Variants in DHRS1 observed in about 807,000 individuals in gnomAD.
The protein encoded by DHRS1 is dehydrogenase/reductase SDR family member 1.
Under a neutral mutation model 35.2 loss-of-function variants are expected in DHRS1, and 34 were observed. That is an observed-to-expected ratio of 0.97 (90% CI 0.74 to 1.29). The LOEUF (loss-of-function observed/expected upper bound fraction) is 1.29. Among genes scored for constraint, DHRS1 ranks in the 50% most tolerant of loss-of-function variants. DHRS1 has a pLI of 0.00. For missense variants in DHRS1, 354 were observed against 403.6 expected, an observed-to-expected ratio of 0.88 and a Z score of 1.05; for synonymous variants, 133 against 160.0, an observed-to-expected ratio of 0.83 and a Z score of 1.27.
In DHRS1 at chr14:24,291,138, C is replaced by G. The variant is rs765442917; in HGVS notation, c.805+1G>C. The stretch of plus-strand genomic sequence containing the variant: ...GCTGACTGCTGTGCCAGGGTCCTCA[C>G]CGTCCACATCCCGAAGGCCATAGCG... On this transcript the variant is annotated splice_donor_variant, in intron 8 of 8. Transcript: ENST00000288111. LOFTEE classifies it high-confidence loss of function. The G allele has an allele frequency of 3.7e-6, 6 of 1,614,136 alleles. No homozygotes were observed. Among genetic ancestry groups the G allele is most frequent in the Middle Eastern group, 1.6e-4 (1 of 6,062 alleles).
At chr14:24,294,019 G>A (rs1594606126) in intron 4 of DHRS1, 1 of 152,088 alleles carries the variant, frequency 6.6e-6, no homozygotes, top group African/African-American at 2.4e-5. Flanking sequence ...TGGGACAACC[G>A]ACCAGTTATT....
intron 4 of DHRS1, 148 bp downstream of exon 4, chr14:24,296,361 C>A: frequency 1.3e-6 from 1 of 761,266 alleles, no homozygotes; most frequent in East Asian, 2.6e-5. Context: ...GGAACTTCTC[C>A]AGAGGTAAGT....
At chr14:24,291,720 C>G in intron 6 of DHRS1, 95 bp from the exon 7 acceptor site, 2 of 1,323,952 alleles carry the variant, frequency 1.5e-6, no homozygotes. Context: ...AGAAAAAGAC[C>G]AAAGACCAAA....
intron 2 of DHRS1, 173 bp downstream of exon 2, chr14:24,298,784 A>C: frequency 1.1e-6 from 1 of 929,244 alleles, no homozygotes; most frequent in Non-Finnish European, 1.5e-6. Flanking sequence ...TTGGCGGCAA[A>C]ATTCTACCTT....
At position 24,291,128 on chromosome 14, in the gene DHRS1, A is replaced by G. The variant is rs1447959446; in HGVS notation, c.805+11T>C. On this transcript the variant is annotated intron_variant, in intron 8 of 8. Coordinates refer to ENST00000288111, the MANE Select transcript of DHRS1 (RefSeq NM_001136050.3). ...AGCAGTCAAGGCTGACTGCTGTGCC[A>G]GGGTCCTCACCGTCCACATCCCGAA... 3 of 1,614,028 alleles carry G rather than the reference A, an allele frequency of 1.9e-6. No individual in the cohort carries two copies. The highest frequency in any genetic ancestry group is 3.3e-5 in the Admixed American group (2 of 60,010).
In DHRS1 at chr14:24,299,613, T is replaced by G; in HGVS notation, c.-57A>C. 2 of 281,128 alleles carry G rather than the reference T, an allele frequency of 7.1e-6. No homozygotes were observed. Among genetic ancestry groups the G allele is most frequent in the Non-Finnish European group, 1.3e-5 (2 of 149,140 alleles). The allele number at this position is 281,128 out of a possible 1,614,324, so 17.4% of individuals were successfully genotyped here. ...CTGCGCTGCCGCTGAGGTCTGCAGA[T>G]TGCGGGGCTGCGGTGGAAGTCTGGG... On this transcript the variant is annotated 5_prime_UTR_variant, in exon 1 of 9. Coordinates refer to ENST00000288111, the MANE Select transcript of DHRS1 (RefSeq NM_001136050.3).
At chr14:24,291,923 T>G in intron 6 of DHRS1, 1 of 603,506 alleles carries the variant, frequency 1.7e-6, no homozygotes, top group Non-Finnish European at 2.9e-6. Context: ...AAGTGCATGG[T>G]CTTTGGAGCT....
intron 2 of DHRS1, chr14:24,298,698 T>C: frequency 2.5e-6 from 1 of 393,810 alleles, no homozygotes; most frequent in Middle Eastern, 7.1e-4. Flanking sequence ...TGCCTCAGCC[T>C]CCGGAGTAGC....
chr14:24,292,463 C>G (rs1401529521), intron 5 of DHRS1, 133 bp from the exon 6 acceptor site: 3 of 1,475,610 alleles, frequency 2.0e-6, no homozygotes, highest in Non-Finnish European at 2.8e-6. Context: ...GCTGCCCACG[C>G]TCCCCAGTGT....
chr14:24,297,833 T>C (rs898339702), intron 2 of DHRS1, among the ~76,000 whole-genome samples: 1 of 152,170 alleles, frequency 6.6e-6, no homozygotes, highest in Non-Finnish European at 1.5e-5. Context: ...TACCTAATTC[T>C]TACCTTTCAA....
chr14:24,292,338 G>C lies in DHRS1; in HGVS notation c.508-8C>G. 6.2e-7 allele frequency: 1 copy of C among 1,613,798 alleles called. No individual in the cohort carries two copies. Among genetic ancestry groups the C allele is most frequent in the Non-Finnish European group, 8.5e-7 (1 of 1,180,016 alleles). On this transcript the variant is annotated splice_region_variant and splice_polypyrimidine_tract_variant and intron_variant, in intron 5 of 8. Transcript: ENST00000288111. ...AGCAGCCAGCTTGTCACACTGTGGAGAGGCGGAAGGCAGGGTAAGAGCCAC... is the reference window on the plus strand; with the variant it reads ...AGCAGCCAGCTTGTCACACTGTGGACAGGCGGAAGGCAGGGTAAGAGCCAC...
intron 4 of DHRS1, among the ~76,000 whole-genome samples, chr14:24,295,620 T>C (rs972995258): frequency 6.6e-6 from 1 of 152,208 alleles, no homozygotes; most frequent in Non-Finnish European, 1.5e-5. Flanking sequence ...CAGCAAGAGA[T>C]GAGGGTGTGG....
Position 24,290,772 on chromosome 14 carries a change from A to G in DHRS1, c.*87T>C, listed in dbSNP as rs1046758708. The G allele has an allele frequency of 7.1e-6, 11 of 1,554,306 alleles. No homozygotes were observed. The African/African-American group carries it at 1.4e-4, about 19-fold the overall frequency. On this transcript the variant is annotated 3_prime_UTR_variant, in exon 9 of 9. Coordinates refer to ENST00000288111, the MANE Select transcript of DHRS1 (RefSeq NM_001136050.3). ...CTTCATATCAAGGGTATGGGTAAAC[A>G]AGAAAGGCTGCTGTTTCACTGAGAC...
At chr14:24,294,885 G>A (rs998846797) in intron 4 of DHRS1, among the ~76,000 whole-genome samples, 1 of 152,200 alleles carries the variant, frequency 6.6e-6, no homozygotes, top group African/African-American at 2.4e-5. Context: ...CTGAGTGCAT[G>A]AGCTGACGCT....
At chr14:24,295,193 T>G (rs1234654462) in intron 4 of DHRS1, among the ~76,000 whole-genome samples, 1 of 152,148 alleles carries the variant, frequency 6.6e-6, no homozygotes, top group Non-Finnish European at 1.5e-5. Context: ...ATGAGAGATA[T>G]TTACATGAAA....
At chr14:24,296,958 G>T (rs1424888659) in intron 2 of DHRS1, 77 bp from the exon 3 acceptor site, 2 of 1,594,208 alleles carry the variant, frequency 1.3e-6, no homozygotes, top group Non-Finnish European at 1.7e-6. Flanking sequence ...ACCAAAGTGG[G>T]CTTGAGAACT....
At chr14:24,292,451 C>T in intron 5 of DHRS1, 121 bp from the exon 6 acceptor site, 2 of 1,490,994 alleles carry the variant, frequency 1.3e-6, no homozygotes, top group Non-Finnish European at 1.8e-6. Flanking sequence ...CCCAAGGTCT[C>T]AGCTGCCCAC....
In DHRS1 at chr14:24,292,776, T is replaced by G. The variant is rs141370931; in HGVS notation, c.383A>C (p.Tyr128Ser). The G allele has an allele frequency of 9.3e-6, 15 of 1,611,884 alleles. No individual in the cohort carries two copies. In the African/African-American group the frequency reaches 1.9e-4, roughly 20 times the overall value. ...DINNVGLRGH[Y>S]FCSVYGARLM... is the part of the protein sequence containing the mutation. ...CCGTGCCCCATACACTGAGCAAAAGTAGTGGCCTCTAGAAGGTGGGGCAAG... is the reference window on the plus strand; with the variant it reads ...CCGTGCCCCATACACTGAGCAAAAGGAGTGGCCTCTAGAAGGTGGGGCAAG... Residue 128 changes from tyrosine to serine, a missense_variant, in exon 5 of 9, where the codon TAC (tyrosine) becomes TCC (serine). Tyr to Ser is a moderately radical substitution (Grantham distance 144). Transcript: ENST00000288111.
Position 24,292,287 on chromosome 14 carries a change from T to C in DHRS1, c.551A>G (p.His184Arg). 2 of 1,613,838 alleles carry C rather than the reference T, an allele frequency of 1.2e-6. No homozygotes were observed. The highest frequency in any genetic ancestry group is 1.3e-5 in the African/African-American group (1 of 74,926). ...AADCAHELRR[H>R]GVSCVSLWPG... ...CCACAGAGACACACAGCTGACCCCA[T>C]GGCGCCGCAGCTCGTGGGCACAGTC... The change falls in exon 6 of 9, where the codon CAT becomes CGT. Residue 184 changes from histidine to arginine, a missense_variant. Coordinates refer to ENST00000288111, the MANE Select transcript of DHRS1 (RefSeq NM_001136050.3).
Sources: gnomAD v4.1 joint callset for allele counts (sites outside exome capture counted in the v4.1 genomes callset) on GRCh38, gnomAD v4.1.1 for gene constraint, MANE v1.5 for transcripts, NCBI Gene and HGNC (gene_info 2026-07-23, HGNC 2026-07-21) for gene names.